MAGT1: variants seen among roughly 807,000 people sequenced by gnomAD.
MAGT1 encodes magnesium transporter 1, also known as dolichyl-diphosphooligosaccharide--protein glycosyltransferase subunit MAGT1.
MAGT1 carries 4 observed loss-of-function variants against 28.4 expected under a neutral mutation model. The observed-to-expected ratio is 0.14, with a 90% CI of 0.07 to 0.32. The LOEUF is 0.32. Among genes scored for constraint, MAGT1 ranks in the 10% least tolerant of loss-of-function variants. The pLI is 1.00. For missense variants in MAGT1, 193 were observed against 264.5 expected (o/e 0.73, Z 1.88); for synonymous variants, 89 against 89.7 (o/e 0.99, Z 0.04).
At chrX:77,877,089 T>A (rs1462523709) in intron 1 of MAGT1, among the ~76,000 whole-genome samples, 3 of 109,503 alleles carry the variant, frequency 2.7e-5, no homozygotes, top group Non-Finnish European at 5.7e-5. Flanking sequence ...ATAAAACTTT[T>A]ATGAAAATAA....
At chrX:77,850,059 A>G (rs2076962939) in intron 7 of MAGT1, among the ~76,000 whole-genome samples, 1 of 111,974 alleles carries the variant, frequency 8.9e-6, no homozygotes, top group Non-Finnish European at 1.9e-5. Context: ...TAAACTAATA[A>G]TAAATATGTG....
chrX:77,858,931 C>T lies in MAGT1; in HGVS notation c.391-1434G>A, dbSNP rs183589052. Among the ~76,000 whole-genome samples the T allele has an allele frequency of 1.3e-3, 140 of 110,636 alleles. 1 individual carries two copies. Among genetic ancestry groups the T allele is most frequent in the African/African-American group, 4.2e-3 (129 of 30,536 alleles). On this transcript the variant is annotated intron_variant, in intron 3 of 9. Transcript: ENST00000618282. ...ATGTGTATAAAAAATAAAAACTGGC[C>T]GGGTGCGGTGGCTCACACTTGTAAT...
intron 3 of MAGT1, chrX:77,868,651 TA>T: frequency 3.3e-6 from 1 of 305,287 alleles, no homozygotes; most frequent in Non-Finnish European, 6.3e-6. Flanking sequence ...AACCTGAAAC[TA>T]AAAAGAAAAA....
intron 2 of MAGT1, among the ~76,000 whole-genome samples, chrX:77,871,773 C>T (rs947329204): frequency 1.4e-4 from 15 of 107,207 alleles, no homozygotes; most frequent in Non-Finnish European, 2.1e-4. Context: ...ATCCGGGAGG[C>T]GGAGATTGCA....
intron 8 of MAGT1, among the ~76,000 whole-genome samples, chrX:77,831,882 G>A (rs913508356): frequency 9.0e-6 from 1 of 111,487 alleles, no homozygotes; most frequent in Non-Finnish European, 1.9e-5. Flanking sequence ...CATGAGCCAC[G>A]GTGCCCGGCT....
chrX:77,841,243 T>C lies in MAGT1; in HGVS notation c.901+3A>G. On this transcript the variant is annotated splice_donor_region_variant and intron_variant, in intron 8 of 9. Transcript: ENST00000618282. Reference sequence around the variant, plus strand: ...CTGTTACATTTTGAGTAAGGTGACTTACTCTTTCGCTTTCCAATATCCATG... The same window carrying C: ...CTGTTACATTTTGAGTAAGGTGACTCACTCTTTCGCTTTCCAATATCCATG... 1 of 1,192,329 alleles carries C rather than the reference T, an allele frequency of 8.4e-7. No homozygotes were observed. The highest frequency in any genetic ancestry group is 1.1e-6 in the Non-Finnish European group (1 of 878,105).
intron 3 of MAGT1, among the ~76,000 whole-genome samples, chrX:77,863,268 T>A (rs1203062178): frequency 9.1e-6 from 1 of 110,231 alleles, no homozygotes; most frequent in African/African-American, 3.3e-5. Flanking sequence ...ATCCCAGTAC[T>A]TTGGGAGGCC....
intron 8 of MAGT1, among the ~76,000 whole-genome samples, chrX:77,833,721 T>A (rs1209956531): frequency 8.9e-6 from 1 of 112,072 alleles, no homozygotes; most frequent in African/African-American, 3.2e-5. Context: ...TCTAAAGCAA[T>A]CTATAGATTC....
chrX:77,846,579 C>T (rs2076952186), intron 7 of MAGT1, among the ~76,000 whole-genome samples: 1 of 111,784 alleles, frequency 8.9e-6, no homozygotes, highest in African/African-American at 3.3e-5. Context: ...TACCTTTGGT[C>T]TTTGATGATG....
intron 7 of MAGT1, among the ~76,000 whole-genome samples, chrX:77,844,401 C>T (rs979540991): frequency 9.0e-6 from 1 of 111,435 alleles, no homozygotes; most frequent in Non-Finnish European, 1.9e-5. Flanking sequence ...AAAACCAGCT[C>T]CAGGATTCAC....
chrX:77,839,894 G>A (rs782294993), intron 8 of MAGT1, among the ~76,000 whole-genome samples: 1 of 110,062 alleles, frequency 9.1e-6, no homozygotes, highest in African/African-American at 3.3e-5. Flanking sequence ...TGATCCACCC[G>A]CCTCGGTCTC....
chrX:77,843,816 C>T (rs1557214626), intron 7 of MAGT1, among the ~76,000 whole-genome samples: 1 of 111,749 alleles, frequency 8.9e-6, no homozygotes, highest in African/African-American at 3.3e-5. Flanking sequence ...GGTATATCTC[C>T]TAATGCTATC....
intron 7 of MAGT1, among the ~76,000 whole-genome samples, chrX:77,852,501 G>C (rs1388510530): frequency 9.0e-6 from 1 of 111,358 alleles, no homozygotes; most frequent in East Asian, 2.8e-4. Flanking sequence ...CAGTGGTTTT[G>C]AATTTTTTTC....
intron 7 of MAGT1, among the ~76,000 whole-genome samples, chrX:77,849,288 C>G (rs781804048): frequency 9.1e-6 from 1 of 109,352 alleles, no homozygotes; most frequent in South Asian, 3.9e-4. Context: ...TCATGTTGGC[C>G]AGGCTGGTCT....
At chrX:77,834,308 G>GTGTATATATATGCATATA (rs2076909926) in intron 8 of MAGT1, among the ~76,000 whole-genome samples, 2 of 99,818 alleles carry the variant, frequency 2.0e-5, no homozygotes, top group Non-Finnish European at 4.0e-5. Flanking sequence ...ATATACATGT[G>GTGTATATATATGCATATA]TGTATATATA....
chrX:77,895,318 T>C lies in MAGT1; in HGVS notation c.93A>G (p.Arg31=). The C allele has an allele frequency of 8.3e-7, 1 of 1,212,025 alleles. No homozygotes were observed. Among genetic ancestry groups the C allele is most frequent in the Non-Finnish European group, 1.1e-6 (1 of 895,548 alleles). Residue 31 remains arginine, a synonymous_variant, in exon 1 of 10, where the codon AGA becomes AGG. Coordinates refer to ENST00000618282, the MANE Select transcript of MAGT1 (RefSeq NM_001367916.1). The part of the protein sequence containing the change: ...VCDVPSASAQ[R]KKEMVLSEKV... ...GAAACCGCGTTCTCACCTCCTTCTT[T>C]CTTTGGGCAGAGGCTGAGGGAACGT...
intron 7 of MAGT1, among the ~76,000 whole-genome samples, chrX:77,844,484 G>C (rs1203649740): frequency 8.1e-5 from 9 of 110,990 alleles, no homozygotes; most frequent in East Asian, 2.8e-4. Flanking sequence ...CTTGCCTTCT[G>C]CTAGCTTTTG....
At chrX:77,865,397 C>T (rs1194277495) in intron 3 of MAGT1, among the ~76,000 whole-genome samples, 2 of 110,891 alleles carry the variant, frequency 1.8e-5, no homozygotes, top group African/African-American at 6.5e-5. Flanking sequence ...TCAAGCCATT[C>T]TCCTGCCTCA....
rs183057614 is a variant in MAGT1, at chrX:77,892,273, T to A, written c.102+3036A>T. ...ATAGTAGATAGACCTGGAATTTTTT[T>A]AAATAATGTTTTCAAAAATTGACAA... On this transcript the variant is annotated intron_variant, in intron 1 of 9. Coordinates refer to ENST00000618282, the MANE Select transcript of MAGT1 (RefSeq NM_001367916.1). Among the ~76,000 whole-genome samples, 266 of 112,407 alleles carry A rather than the reference T, an allele frequency of 2.4e-3. 1 individual carries two copies. Among genetic ancestry groups the A allele is most frequent in the African/African-American group, 8.1e-3 (250 of 31,015 alleles).
Sources: allele counts gnomAD v4.1 joint callset (sites outside exome capture counted in the v4.1 genomes callset), GRCh38; gene constraint gnomAD v4.1.1; transcripts MANE v1.5; gene names NCBI Gene and HGNC (gene_info 2026-07-23, HGNC 2026-07-21).